TTC23: variants seen among roughly 807,000 people sequenced by gnomAD.
TTC23 encodes the protein tetratricopeptide repeat domain 23, also known as tetratricopeptide repeat protein 23.
In TTC23, 58 loss-of-function variants were observed where a neutral mutation model predicts 55.1. The observed-to-expected ratio is 1.05, with a 90% CI of 0.85 to 1.31. TTC23 has a LOEUF of 1.31. TTC23 is among the 50% of genes most tolerant of loss of function. The pLI, the probability that TTC23 is intolerant of heterozygous loss-of-function variation, is 0.00. For missense variants in TTC23, 516 were observed against 534.4 expected, an observed-to-expected ratio of 0.97 and a Z score of 0.34; for synonymous variants, 203 against 199.9, an observed-to-expected ratio of 1.02 and a Z score of -0.13.
chr15:99,228,508 A>G lies in TTC23; in HGVS notation c.180+25T>C, dbSNP rs1438571310. 2.5e-6 allele frequency: 4 copies of G among 1,577,050 alleles called. No homozygotes were observed. The East Asian group carries it at 6.8e-5, about 27-fold the overall frequency. ...CATATAGCTCAATTCTCAGAGTAGA[A>G]ATACAGAAACAAAAGTCTCCTTACC... On this transcript the variant is annotated intron_variant, in intron 5 of 13. Coordinates refer to ENST00000394132, the MANE Select transcript of TTC23 (RefSeq NM_001288615.3).
chr15:99,161,950 T>C, intron 10 of TTC23, 83 bp from the exon 11 acceptor site: 2 of 1,423,318 alleles, frequency 1.4e-6, no homozygotes, highest in Non-Finnish European at 1.9e-6. Flanking sequence ...TTAGCAGTGT[T>C]GAGCTATTTG....
At chr15:99,139,076 C>T (rs2067902164) in intron 13 of TTC23, 1 of 572,766 alleles carries the variant, frequency 1.7e-6, no homozygotes, top group Non-Finnish European at 3.2e-6. Flanking sequence ...AGGGGCTGGT[C>T]TGCAGGAAGA....
chr15:99,184,012 A>T (rs972735697), intron 9 of TTC23, among the ~76,000 whole-genome samples: 1 of 152,152 alleles, frequency 6.6e-6, no homozygotes, highest in Admixed American at 6.5e-5. Flanking sequence ...GTGGCTTAAG[A>T]GGGTACAAGC....
At chr15:99,216,644 A>G (rs2077494739) in intron 8 of TTC23, among the ~76,000 whole-genome samples, 1 of 152,204 alleles carries the variant, frequency 6.6e-6, no homozygotes, top group Non-Finnish European at 1.5e-5. Flanking sequence ...ACTCACTAAT[A>G]GGAGAAATGT....
chr15:99,218,285 G>C (rs1034819360), intron 8 of TTC23, among the ~76,000 whole-genome samples: 1 of 152,198 alleles, frequency 6.6e-6, no homozygotes, highest in Non-Finnish European at 1.5e-5. Flanking sequence ...AAGGAAGGGA[G>C]GGAGGAAGAG....
intron 3 of TTC23, among the ~76,000 whole-genome samples, chr15:99,235,666 G>A (rs961545284): frequency 6.6e-6 from 1 of 152,084 alleles, no homozygotes; most frequent in African/African-American, 2.4e-5. Context: ...CACTGTGCCC[G>A]GACCATTTTA....
intron 8 of TTC23, among the ~76,000 whole-genome samples, chr15:99,204,234 C>G (rs998584546): frequency 6.6e-6 from 1 of 152,064 alleles, no homozygotes; most frequent in South Asian, 2.1e-4. Flanking sequence ...TTTCTGTGAT[C>G]ATCAGTGATG....
Position 99,189,272 on chromosome 15 carries a change from C to G in TTC23, c.759+10647G>C, listed in dbSNP as rs549545795. Among the ~76,000 whole-genome samples the G allele has an allele frequency of 2.6e-5, 4 of 152,084 alleles. No homozygotes were observed. The East Asian group carries it at 5.8e-4, about 22-fold the overall frequency. ...CTTGGTAGGGAAAAAGAGGGACATT[C>G]CTAACAGCAGAATGCCAACTGATAA... On this transcript the variant is annotated intron_variant, in intron 9 of 13. Transcript: ENST00000394132.
intron 12 of TTC23, 32 bp downstream of exon 12, chr15:99,156,116 T>C (rs369463245): frequency 1.0e-4 from 165 of 1,613,762 alleles, no homozygotes; most frequent in Middle Eastern, 8.2e-4. Context: ...AGGGAGAGCC[T>C]AGTCTCGTGT....
Position 99,174,813 on chromosome 15 carries a change from A to C in TTC23, c.865+237T>G, listed in dbSNP as rs546888296. ...GGCTCTTAACAGCTAACATTTGGATAGAGATTGGCTGTATTTAAGAATAAA... is the reference window on the plus strand; with the variant it reads ...GGCTCTTAACAGCTAACATTTGGATCGAGATTGGCTGTATTTAAGAATAAA... On this transcript the variant is annotated intron_variant, in intron 10 of 13. Coordinates refer to ENST00000394132, the MANE Select transcript of TTC23 (RefSeq NM_001288615.3). Among the ~76,000 whole-genome samples, 70 of 152,348 alleles carry C rather than the reference A, an allele frequency of 4.6e-4. No homozygotes were observed. In the South Asian group the frequency reaches 7.7e-3, roughly 17 times the overall value.
At chr15:99,156,655 C>T (rs1032236234) in intron 11 of TTC23, among the ~76,000 whole-genome samples, 1 of 152,168 alleles carries the variant, frequency 6.6e-6, no homozygotes. Context: ...ATCGCAAGAA[C>T]GGCATGGGGG....
At chr15:99,170,835 T>C (rs961708094) in intron 10 of TTC23, among the ~76,000 whole-genome samples, 16 of 152,232 alleles carry the variant, frequency 1.1e-4, no homozygotes, top group African/African-American at 2.4e-4. Flanking sequence ...GTGGTGCCTG[T>C]TGCATTTCTG....
At chr15:99,226,344 G>A (rs952907463) in intron 5 of TTC23, among the ~76,000 whole-genome samples, 3 of 152,090 alleles carry the variant, frequency 2.0e-5, no homozygotes, top group Non-Finnish European at 2.9e-5. Context: ...AAGAATTTGG[G>A]GGTAAAGGGC....
At chr15:99,174,120 T>C (rs2623190) in intron 10 of TTC23, among the ~76,000 whole-genome samples, 123,258 of 152,136 alleles carry the variant, frequency 0.81, 50,254 homozygotes, top group East Asian at 0.93. Context: ...CAAGCTCTAG[T>C]AGGCCAGAAT....
chr15:99,164,664 CCT>C (rs1240534665), intron 10 of TTC23, among the ~76,000 whole-genome samples: 7 of 152,200 alleles, frequency 4.6e-5, no homozygotes, highest in Non-Finnish European at 1.0e-4. Context: ...ATTTGTACTT[CCT>C]CTCTGTTTTC....
intron 9 of TTC23, among the ~76,000 whole-genome samples, chr15:99,178,866 G>A (rs2073855547): frequency 6.6e-6 from 1 of 152,204 alleles, no homozygotes; most frequent in Non-Finnish European, 1.5e-5. Context: ...CCCAAGACAA[G>A]GTGCTGGGGG....
chr15:99,248,543 T>C (rs1345724200), intron 1 of TTC23, among the ~76,000 whole-genome samples: 1 of 152,156 alleles, frequency 6.6e-6, no homozygotes, highest in Non-Finnish European at 1.5e-5. Flanking sequence ...CCAAATTGAG[T>C]CTTACCCATA....
At position 99,156,822 on chromosome 15, in the gene TTC23, A is replaced by C. The variant is rs111880948; in HGVS notation, c.994-525T>G. On this transcript the variant is annotated intron_variant, in intron 11 of 13. Coordinates refer to ENST00000394132, the MANE Select transcript of TTC23 (RefSeq NM_001288615.3). ...GTCAGGAAACAACACGAATGTGAGGAAAGGTGTAAACTATGAAGAGAGAGG... is the reference window on the plus strand; with the variant it reads ...GTCAGGAAACAACACGAATGTGAGGCAAGGTGTAAACTATGAAGAGAGAGG... 1.6e-3 allele frequency among the ~76,000 whole-genome samples: 250 copies of C among 152,324 alleles called. 3 individuals carry two copies. Among genetic ancestry groups the C allele is most frequent in the African/African-American group, 5.7e-3 (239 of 41,572 alleles).
At chr15:99,159,857 TAG>T (rs1013009831) in intron 11 of TTC23, 5 of 152,228 alleles carry the variant, frequency 3.3e-5, no homozygotes, top group African/African-American at 9.7e-5. Context: ...AGCTGAGAGA[TAG>T]GAACTTGTTA....
Sources: gnomAD v4.1 joint callset for allele counts (sites outside exome capture counted in the v4.1 genomes callset) on GRCh38, gnomAD v4.1.1 for gene constraint, MANE v1.5 for transcripts, NCBI Gene and HGNC (gene_info 2026-07-23, HGNC 2026-07-21) for gene names.